LMNTD1: variants seen among roughly 807,000 people sequenced by gnomAD.
LMNTD1 encodes the protein lamin tail domain-containing protein 1.
Under a neutral mutation model 50.9 loss-of-function variants are expected in LMNTD1, and 35 were observed. The ratio of observed to expected loss-of-function variants is 0.69; its 90% CI spans 0.53 to 0.91. The LOEUF is 0.91. Among genes scored for constraint, LMNTD1 ranks in the 40% least tolerant of loss-of-function variants. The pLI is 0.00. For missense variants in LMNTD1, 470 were observed against 475.5 expected (o/e 0.99, Z 0.11); for synonymous variants, 153 against 161.9 (o/e 0.94, Z 0.42).
At chr12:25,549,659 T>C (rs2136241851) in intron 2 of LMNTD1, 113 bp from the exon 3 acceptor site, 7 of 505,182 alleles carry the variant, frequency 1.4e-5, no homozygotes, top group Non-Finnish European at 2.0e-5. Flanking sequence ...AAAGGTAATA[T>C]GCATCCAACA....
chr12:25,640,933 T>C (rs149523248), intron 1 of LMNTD1, among the ~76,000 whole-genome samples: 2,755 of 152,276 alleles, frequency 0.018, 81 homozygotes, highest in African/African-American at 0.062. Flanking sequence ...TCCCAAAGTG[T>C]TGGGATTACA....
rs116719881 is a variant in LMNTD1 at position 25,566,588 on chromosome 12, A to C, written c.59-20034T>G. ...TTACATTCCCACCAGCATGAGCTCTATCAATGGCTTTAGGCGCAAATATAA... is the reference window on the plus strand; with the variant it reads ...TTACATTCCCACCAGCATGAGCTCTCTCAATGGCTTTAGGCGCAAATATAA... On this transcript the variant is annotated intron_variant, in intron 1 of 7. Transcript: ENST00000445693. Among the ~76,000 whole-genome samples the C allele has an allele frequency of 5.1e-3, 777 of 152,360 alleles. 11 individuals are homozygous for C. Among genetic ancestry groups the C allele is most frequent in the African/African-American group, 0.018 (740 of 41,584 alleles).
chr12:25,534,535 C>T (rs1051281912), intron 4 of LMNTD1, among the ~76,000 whole-genome samples: 1 of 152,078 alleles, frequency 6.6e-6, no homozygotes, highest in Non-Finnish European at 1.5e-5. Context: ...GGCTGGAGGT[C>T]ACAAGGAGAG....
intron 8 of LMNTD1, among the ~76,000 whole-genome samples, chr12:25,511,913 GCC>G (rs373910607): frequency 6.6e-6 from 1 of 151,952 alleles, no homozygotes; most frequent in African/African-American, 2.4e-5. Context: ...AGAATGCTTT[GCC>G]CCCCCTCTTT....
At chr12:25,614,214 T>A (rs1301344876) in intron 1 of LMNTD1, among the ~76,000 whole-genome samples, 4 of 152,164 alleles carry the variant, frequency 2.6e-5, no homozygotes, top group Admixed American at 6.5e-5. Context: ...TTAAGCTTCC[T>A]ACGCATTTTT....
chr12:25,538,042 GA>G (rs1404951750), intron 4 of LMNTD1, among the ~76,000 whole-genome samples: 37 of 146,598 alleles, frequency 2.5e-4, no homozygotes, highest in Admixed American at 7.0e-5. Flanking sequence ...AAAAAGAAAC[GA>G]GCAAAGCCTC....
intron 1 of LMNTD1, among the ~76,000 whole-genome samples, chr12:25,559,471 C>G (rs182288129): frequency 3.9e-5 from 6 of 152,082 alleles, no homozygotes; most frequent in Admixed American, 2.0e-4. Flanking sequence ...TTGGTTCCAA[C>G]TCTTTGCTAT....
At chr12:25,576,751 C>A (rs1230022113) in intron 1 of LMNTD1, among the ~76,000 whole-genome samples, 1 of 152,150 alleles carries the variant, frequency 6.6e-6, no homozygotes, top group Non-Finnish European at 1.5e-5. Flanking sequence ...GTGTTTTAGT[C>A]ATGAAGTCCT....
intron 1 of LMNTD1, among the ~76,000 whole-genome samples, chr12:25,635,320 G>A (rs1292143073): frequency 6.7e-6 from 1 of 150,252 alleles, no homozygotes; most frequent in Non-Finnish European, 1.5e-5. Context: ...ACAAATATCA[G>A]TAGCTCTTTT....
At chr12:25,610,480 C>T (rs1333142070) in intron 1 of LMNTD1, among the ~76,000 whole-genome samples, 5 of 152,010 alleles carry the variant, frequency 3.3e-5, no homozygotes, top group African/African-American at 7.2e-5. Flanking sequence ...GAATGGACCC[C>T]GCACCTTCAT....
intron 9 of LMNTD1, among the ~76,000 whole-genome samples, chr12:25,494,539 C>T (rs1255533288): frequency 6.6e-6 from 1 of 152,066 alleles, no homozygotes; most frequent in Non-Finnish European, 1.5e-5. Context: ...CTACTTGTCT[C>T]TGGTTTGTCT....
chr12:25,482,695 C>T (rs1483031383), intron 9 of LMNTD1, among the ~76,000 whole-genome samples: 1 of 151,964 alleles, frequency 6.6e-6, no homozygotes, highest in Admixed American at 6.5e-5. Flanking sequence ...TCTTGTGTGT[C>T]CAGAGCAAGC....
upstream of LMNTD1, among the ~76,000 whole-genome samples, chr12:25,556,511 C>A (rs1386846144): frequency 3.3e-5 from 5 of 152,166 alleles, no homozygotes; most frequent in Non-Finnish European, 5.9e-5. Context: ...TGCCTAAATG[C>A]TTGTCCATTC....
chr12:25,645,496 A>G (rs1336727756), intron 1 of LMNTD1, among the ~76,000 whole-genome samples: 8 of 152,222 alleles, frequency 5.3e-5, no homozygotes, highest in South Asian at 4.1e-4. Flanking sequence ...GCAGCCTTTA[A>G]AAAAAGATCA....
At chr12:25,641,543 G>T (rs907556390) in intron 1 of LMNTD1, among the ~76,000 whole-genome samples, 2 of 152,162 alleles carry the variant, frequency 1.3e-5, no homozygotes, top group African/African-American at 4.8e-5. Context: ...TATTAATAAT[G>T]TGTATTTAGA....
intron 1 of LMNTD1, among the ~76,000 whole-genome samples, chr12:25,576,023 T>C (rs912887664): frequency 1.3e-5 from 2 of 152,210 alleles, no homozygotes; most frequent in African/African-American, 4.8e-5. Flanking sequence ...CAGGAACTCA[T>C]CCTTTTTTAT....
chr12:25,610,609 A>C (rs1405752761), intron 1 of LMNTD1, among the ~76,000 whole-genome samples: 1 of 152,306 alleles, frequency 6.6e-6, no homozygotes, highest in South Asian at 2.1e-4. Context: ...GATGATTAGG[A>C]AACTAGGATT....
chr12:25,510,952 G>C (rs934895161), intron 8 of LMNTD1, among the ~76,000 whole-genome samples: 4 of 152,148 alleles, frequency 2.6e-5, no homozygotes, highest in Admixed American at 2.6e-4. Flanking sequence ...GTGAGTGTAA[G>C]ATATTACTGA....
At chr12:25,614,925 G>A (rs1028892644) in intron 1 of LMNTD1, among the ~76,000 whole-genome samples, 4 of 152,148 alleles carry the variant, frequency 2.6e-5, no homozygotes, top group Non-Finnish European at 5.9e-5. Flanking sequence ...CTCTGTTGAT[G>A]TCTGGGTTCT....
Sources: gnomAD v4.1 joint callset for allele counts (sites outside exome capture counted in the v4.1 genomes callset) on GRCh38, gnomAD v4.1.1 for gene constraint, MANE v1.5 for transcripts, NCBI Gene and HGNC (gene_info 2026-07-23, HGNC 2026-07-21) for gene names.